The following DPP8 variants were observed in gnomAD, a reference collection of about 807,000 sequenced individuals.
DPP8 encodes DPP VIII.
DPP8 carries 31 observed loss-of-function variants against 107.5 expected under a neutral mutation model. The observed-to-expected ratio is 0.29, with a 90% CI of 0.22 to 0.39. DPP8 has a LOEUF of 0.39. Among genes scored for constraint, DPP8 ranks in the 10% least tolerant of loss-of-function variants. The pLI, the probability that DPP8 is intolerant of heterozygous loss-of-function variation, is 1.00. For synonymous variants in DPP8, 381 were observed against 356.6 expected (o/e 1.07, Z -0.77); for missense variants, 842 against 1,076.1 (o/e 0.78, Z 3.04).
At position 65,487,826 on chromosome 15, in the gene DPP8, G is replaced by T. The variant is rs1323818622; in HGVS notation, c.827-8C>A. 1 of 1,508,096 alleles carries T rather than the reference G, an allele frequency of 6.6e-7. No homozygotes were observed. The highest frequency in any genetic ancestry group is 1.2e-5 in the South Asian group (1 of 84,134). 93.4% of individuals were successfully genotyped at this position (1,508,096 alleles called of 1,614,324 possible). A position where few individuals can be genotyped will look rare whatever the true frequency, so the allele number is the denominator to read the frequency against. On this transcript the variant is annotated splice_region_variant and splice_polypyrimidine_tract_variant and intron_variant, in intron 6 of 19. Transcript: ENST00000300141. Reference sequence around the variant, plus strand: ...TTTTACCACCACTGGGAGCTTAAAAGAAATTTAAATATTGAAAATTTAGAA... The same window carrying T: ...TTTTACCACCACTGGGAGCTTAAAATAAATTTAAATATTGAAAATTTAGAA...
intron 5 of DPP8, among the ~76,000 whole-genome samples, chr15:65,494,934 C>A (rs1596059761): frequency 6.6e-6 from 1 of 152,150 alleles, no homozygotes; most frequent in Non-Finnish European, 1.5e-5. Flanking sequence ...CAAATTTAAC[C>A]TCCACAAAGT....
At chr15:65,495,764 C>T (rs2068523812) in intron 5 of DPP8, among the ~76,000 whole-genome samples, 1 of 151,376 alleles carries the variant, frequency 6.6e-6, no homozygotes, top group Non-Finnish European at 1.5e-5. Context: ...AGCCGGTAAT[C>T]CCAGCTACTC....
At position 65,508,819 on chromosome 15, in the gene DPP8, T is replaced by G. The variant is rs546419598; in HGVS notation, c.260-1464A>C. Among the ~76,000 whole-genome samples the G allele has an allele frequency of 3.3e-5, 5 of 151,142 alleles. No homozygotes were observed. The East Asian group carries it at 9.7e-4, about 29-fold the overall frequency. On this transcript the variant is annotated intron_variant, in intron 2 of 19. Coordinates refer to ENST00000300141, the MANE Select transcript of DPP8 (RefSeq NM_130434.5). ...ATAAACCGAGATCACGCCACTGCAC[T>G]CCAGCCTGGGCAACAGGGGCAAAAC...
At chr15:65,460,000 A>G (rs1421688025) in intron 15 of DPP8, among the ~76,000 whole-genome samples, 1 of 152,180 alleles carries the variant, frequency 6.6e-6, no homozygotes, top group East Asian at 1.9e-4. Flanking sequence ...CATTTTTTAA[A>G]TTATGGTAAA....
intron 4 of DPP8, among the ~76,000 whole-genome samples, chr15:65,499,405 TAG>T (rs1695824416): frequency 6.6e-6 from 1 of 151,978 alleles, no homozygotes; most frequent in African/African-American, 2.4e-5. Context: ...GTGTTTTTAG[TAG>T]AGACAGGGTT....
intron 18 of DPP8, 114 bp downstream of exon 18, chr15:65,451,846 G>A: frequency 9.2e-7 from 1 of 1,089,378 alleles, no homozygotes; most frequent in East Asian, 2.7e-5. Context: ...GATCCTCTGA[G>A]CCCAGGAGTT....
chr15:65,492,773 A>C (rs1248001500), intron 5 of DPP8, among the ~76,000 whole-genome samples: 1 of 151,810 alleles, frequency 6.6e-6, no homozygotes, highest in Non-Finnish European at 1.5e-5. Context: ...TTTTTAAAAA[A>C]TTTTTGTAGA....
At chr15:65,458,283 TGTA>T (rs1489645605) in intron 15 of DPP8, among the ~76,000 whole-genome samples, 1 of 152,126 alleles carries the variant, frequency 6.6e-6, no homozygotes, top group African/African-American at 2.4e-5. Context: ...TTTTTTGAAA[TGTA>T]GTCTTGCTCT....
intron 8 of DPP8, among the ~76,000 whole-genome samples, chr15:65,481,972 AT>A: frequency 6.6e-6 from 1 of 151,126 alleles, no homozygotes; most frequent in Non-Finnish European, 1.5e-5. Context: ...CTAGAAATAT[AT>A]ATATATATAT....
At position 65,463,933 on chromosome 15, in the gene DPP8, T is replaced by C. The variant is rs372897611; in HGVS notation, c.1826-27A>G. ...TGTGAATAGGTAACATAACAGAGTCTACAAAAGAGTTCTTATGGGAGTGCT... is the reference window on the plus strand; with the variant it reads ...TGTGAATAGGTAACATAACAGAGTCCACAAAAGAGTTCTTATGGGAGTGCT... On this transcript the variant is annotated intron_variant, in intron 14 of 19. Coordinates refer to ENST00000300141, the MANE Select transcript of DPP8 (RefSeq NM_130434.5). 4.0e-6 allele frequency: 6 copies of C among 1,492,588 alleles called. No homozygotes were observed. In the African/African-American group the frequency reaches 7.2e-5, roughly 18 times the overall value. The allele number at this position is 1,492,588 out of a possible 1,614,324, so 92.5% of individuals were successfully genotyped here. A position where few individuals can be genotyped will look rare whatever the true frequency, so the allele number is the denominator to read the frequency against.
At chr15:65,450,287 A>C (rs1174380697) in intron 19 of DPP8, among the ~76,000 whole-genome samples, 1 of 152,104 alleles carries the variant, frequency 6.6e-6, no homozygotes, top group African/African-American at 2.4e-5. Flanking sequence ...TTATTTTAAA[A>C]TATTTAAAAA....
rs750248185 is a variant in DPP8 at position 65,487,738 on chromosome 15, G to A, written c.907C>T (p.Pro303Ser). 6.2e-7 allele frequency: 1 copy of A among 1,607,718 alleles called. No homozygotes were observed. The highest frequency in any genetic ancestry group is 1.7e-5 in the Admixed American group (1 of 59,562). The part of the protein sequence containing the change: ...SEVEIIHVTS[P>S]MLETRRADSF... ...TCTGCCCTCCTTGTTTCCAACATAG[G>A]GGATGTAACATGAATAATTTCCACC... is the stretch of plus-strand genomic sequence containing the variant. Residue 303 changes from proline to serine, a missense_variant, in exon 7 of 20, where the codon CCT becomes TCT. Pro to Ser is a moderately conservative substitution (Grantham distance 74). Around this residue, in one of 2 missense-constraint regions of DPP8, gnomAD observed 663 missense variants for 758.0 expected, o/e 0.87. Coordinates refer to ENST00000300141, the MANE Select transcript of DPP8 (RefSeq NM_130434.5).
At chr15:65,474,048 G>A (rs577882883) in intron 12 of DPP8, among the ~76,000 whole-genome samples, 161 bp downstream of exon 12, 1 of 152,040 alleles carries the variant, frequency 6.6e-6, no homozygotes, top group Non-Finnish European at 1.5e-5. Flanking sequence ...AAGTTGTAGT[G>A]AGCCGAGATC....
At chr15:65,464,860 A>G (rs1029145623) in intron 14 of DPP8, among the ~76,000 whole-genome samples, 18 of 152,308 alleles carry the variant, frequency 1.2e-4, no homozygotes, top group Admixed American at 3.3e-4. Context: ...ATTAAACCAT[A>G]TATCTGGTTA....
At position 65,443,360 on chromosome 15, in the gene DPP8, TA is replaced by T. The variant is rs2063366817; in HGVS notation, c.*3523del. On this transcript the variant is annotated 3_prime_UTR_variant, in exon 20 of 20. Coordinates refer to ENST00000300141, the MANE Select transcript of DPP8 (RefSeq NM_130434.5). ...AACAAATGAGAATATCAGCTTAGAT[TA>T]AATCAAATATTGATTCCATCTTGAA... 6.6e-6 allele frequency: 1 copy of T among 152,178 alleles called. No homozygotes were observed. Among genetic ancestry groups the T allele is most frequent in the Non-Finnish European group, 1.5e-5 (1 of 68,038 alleles). The allele number at this position is 152,178 out of a possible 1,614,324, so 9.4% of individuals were successfully genotyped here.
At chr15:65,472,711 C>A (rs1270773657) in intron 12 of DPP8, among the ~76,000 whole-genome samples, 4 of 152,100 alleles carry the variant, frequency 2.6e-5, no homozygotes, top group Non-Finnish European at 5.9e-5. Flanking sequence ...TATGAATATG[C>A]CCCTTTCTCA....
intron 19 of DPP8, among the ~76,000 whole-genome samples, chr15:65,448,873 T>TCTAAA: frequency 8.4e-5 from 1 of 11,844 alleles, no homozygotes; most frequent in African/African-American, 4.0e-4. Context: ...AAAATATATA[T>TCTAAA]ATATATATAT....
At position 65,515,175 on chromosome 15, in the gene DPP8, G is replaced by T. The variant is rs117384230; in HGVS notation, c.-12+2311C>A. On this transcript the variant is annotated intron_variant, in intron 1 of 19. Transcript: ENST00000300141. The stretch of plus-strand genomic sequence containing the variant: ...TTAAAACTTTTTTGTAGAGATGGGG[G>T]TCTCACTATGTTGTACAGGCTGGGA... 1.0e-3 allele frequency among the ~76,000 whole-genome samples: 159 copies of T among 152,270 alleles called. 1 individual carries two copies. Among genetic ancestry groups the T allele is most frequent in the Non-Finnish European group, 2.0e-3 (137 of 68,024 alleles).
intron 14 of DPP8, among the ~76,000 whole-genome samples, chr15:65,465,554 T>TA (rs2065272560): frequency 6.7e-6 from 1 of 149,756 alleles, no homozygotes; most frequent in African/African-American, 2.5e-5. Flanking sequence ...AGATGATACA[T>TA]AAAACCAGTC....
Sources: gnomAD v4.1 joint callset for allele counts (sites outside exome capture counted in the v4.1 genomes callset) on GRCh38, gnomAD v4.1.1 for gene constraint, gnomAD v4.1.1 regional missense constraint, MANE v1.5 for transcripts, NCBI Gene and HGNC (gene_info 2026-07-23, HGNC 2026-07-21) for gene names.